GRM7: variants seen among roughly 807,000 people sequenced by gnomAD.
The protein encoded by GRM7 is glutamate metabotropic receptor 7, also known as metabotropic glutamate receptor 7.
GRM7 carries 35 observed loss-of-function variants against 84.5 expected under a neutral mutation model. The observed-to-expected ratio is 0.41, with a 90% CI of 0.32 to 0.55. The LOEUF (loss-of-function observed/expected upper bound fraction) is 0.55, where lower values mean the gene tolerates loss of function less well. Among genes scored for constraint, GRM7 ranks in the 20% least tolerant of loss-of-function variants. The probability of loss-of-function intolerance (pLI) is 0.19; values close to 1 mark genes in which losing one functional copy is unlikely to be tolerated. For synonymous variants in GRM7, 487 were observed against 455.1 expected, an observed-to-expected ratio of 1.07 and a Z score of -0.89; for missense variants, 1,003 against 1,194.6, an observed-to-expected ratio of 0.84 and a Z score of 2.36.
intron 2 of GRM7, among the ~76,000 whole-genome samples, chr3:7,251,603 A>G (rs1018574781): frequency 2.6e-5 from 4 of 152,154 alleles, no homozygotes; most frequent in African/African-American, 9.7e-5. Context: ...TTTTACTGTG[A>G]TACTTGTGAG....
intron 7 of GRM7, among the ~76,000 whole-genome samples, chr3:7,568,672 G>C (rs566745622): frequency 2.0e-5 from 3 of 152,130 alleles, no homozygotes; most frequent in Admixed American, 2.0e-4. Context: ...GTGTGGGCTC[G>C]GCGGCCCAGC....
chr3:7,015,121 C>T (rs763990389), intron 1 of GRM7, among the ~76,000 whole-genome samples: 10 of 151,696 alleles, frequency 6.6e-5, no homozygotes, highest in Non-Finnish European at 1.2e-4. Flanking sequence ...GGGAATAAAG[C>T]TGCCCTACAC....
intron 1 of GRM7, among the ~76,000 whole-genome samples, chr3:6,915,583 A>G (rs748066605): frequency 6.6e-6 from 1 of 152,220 alleles, no homozygotes; most frequent in Non-Finnish European, 1.5e-5. Context: ...ATGAACCTGC[A>G]TGTTACATTT....
chr3:7,179,502 C>G (rs1198794804), intron 2 of GRM7, among the ~76,000 whole-genome samples: 1 of 152,212 alleles, frequency 6.6e-6, no homozygotes, highest in Admixed American at 6.5e-5. Flanking sequence ...TGCTTTTCTA[C>G]TCTATATTTT....
chr3:6,925,298 A>G, intron 1 of GRM7, among the ~76,000 whole-genome samples: 1 of 152,210 alleles, frequency 6.6e-6, no homozygotes, highest in East Asian at 1.9e-4. Context: ...AAGTCCCTCA[A>G]TAAGCATTTG....
chr3:7,526,512 G>A (rs992039126), intron 7 of GRM7, among the ~76,000 whole-genome samples: 1 of 151,844 alleles, frequency 6.6e-6, no homozygotes, highest in African/African-American at 2.4e-5. Context: ...TTCTTTTGCT[G>A]TGCAAAAGTT....
intron 4 of GRM7, among the ~76,000 whole-genome samples, chr3:7,405,580 T>C (rs1695639918): frequency 6.6e-6 from 1 of 152,146 alleles, no homozygotes; most frequent in African/African-American, 2.4e-5. Context: ...AAATAATAGA[T>C]TTATAGATTA....
chr3:7,108,929 T>A (rs1499154), intron 1 of GRM7, among the ~76,000 whole-genome samples: 59,952 of 151,846 alleles, frequency 0.39, 12,436 homozygotes, highest in African/African-American at 0.53. Context: ...TGTCTCAGAG[T>A]TAGCATGCAA....
chr3:7,719,836 A>G (rs1269973551), intron 9 of GRM7, among the ~76,000 whole-genome samples: 1 of 151,386 alleles, frequency 6.6e-6, no homozygotes, highest in Non-Finnish European at 1.5e-5. Flanking sequence ...AGAAATGATA[A>G]CCTACAAAAG....
At chr3:7,621,695 T>C (rs757760707) in intron 8 of GRM7, among the ~76,000 whole-genome samples, 1 of 152,078 alleles carries the variant, frequency 6.6e-6, no homozygotes, top group Non-Finnish European at 1.5e-5. Flanking sequence ...CAGTAAAATA[T>C]ATGAAATTTC....
chr3:7,346,119 T>C (rs914022989), intron 4 of GRM7, among the ~76,000 whole-genome samples: 15 of 152,224 alleles, frequency 9.9e-5, no homozygotes, highest in African/African-American at 3.6e-4. Context: ...TTGAATTAGG[T>C]GACGGCAACC....
intron 7 of GRM7, among the ~76,000 whole-genome samples, chr3:7,530,099 C>A (rs948357146): frequency 4.9e-5 from 7 of 142,890 alleles, no homozygotes; most frequent in South Asian, 4.8e-4. Context: ...CTATCCCCCC[C>A]ACCCCCCAAC....
At chr3:7,529,219 A>G (rs1262645003) in intron 7 of GRM7, among the ~76,000 whole-genome samples, 1 of 152,138 alleles carries the variant, frequency 6.6e-6, no homozygotes, top group East Asian at 1.9e-4. Context: ...CCAAGCTCCT[A>G]TTAGTCATCA....
chr3:7,700,800 G>A (rs1487380930), intron 9 of GRM7, among the ~76,000 whole-genome samples: 5 of 152,136 alleles, frequency 3.3e-5, no homozygotes, highest in East Asian at 1.9e-4. Context: ...AGTATCTTGC[G>A]GCATTTTAAG....
chr3:7,201,503 T>C (rs964420130), intron 2 of GRM7, among the ~76,000 whole-genome samples: 1 of 152,160 alleles, frequency 6.6e-6, no homozygotes, highest in Non-Finnish European at 1.5e-5. Context: ...TATTACATCC[T>C]CTATAGAGGC....
chr3:7,538,388 G>A lies in GRM7; in HGVS notation c.1516-40034G>A, dbSNP rs575690317. Among the ~76,000 whole-genome samples, 24 of 152,134 alleles carry A rather than the reference G, an allele frequency of 1.6e-4. No homozygotes were observed. In the South Asian group the frequency reaches 2.9e-3, roughly 18 times the overall value. ...CAGCCTCCCAAAGTGCTGGGATTAC[G>A]GGCATGAGCCACAATGTTCGGCCCG... is the stretch of plus-strand genomic sequence containing the variant. On this transcript the variant is annotated intron_variant, in intron 7 of 9. Coordinates refer to ENST00000357716, the MANE Select transcript of GRM7 (RefSeq NM_000844.4).
At chr3:7,705,252 A>G (rs571103022) in intron 9 of GRM7, among the ~76,000 whole-genome samples, 1 of 152,324 alleles carries the variant, frequency 6.6e-6, no homozygotes, top group East Asian at 1.9e-4. Context: ...AGAACTTCTT[A>G]GATACAAATG....
chr3:7,198,097 G>T (rs1038402299), intron 2 of GRM7, among the ~76,000 whole-genome samples: 1 of 151,510 alleles, frequency 6.6e-6, no homozygotes, highest in Non-Finnish European at 1.5e-5. Context: ...AATCAAAACT[G>T]CTGTAGAATC....
At chr3:6,977,719 A>G (rs1034008325) in intron 1 of GRM7, among the ~76,000 whole-genome samples, 2 of 152,186 alleles carry the variant, frequency 1.3e-5, no homozygotes, top group African/African-American at 4.8e-5. Context: ...CAGAGGAGAC[A>G]TTAATAACAC....
Sources: allele counts gnomAD v4.1 joint callset (sites outside exome capture counted in the v4.1 genomes callset), GRCh38; gene constraint gnomAD v4.1.1; transcripts MANE v1.5; gene names NCBI Gene and HGNC (gene_info 2026-07-23, HGNC 2026-07-21).